RIN2: variants seen among roughly 807,000 people sequenced by gnomAD.
The protein encoded by RIN2 is Ras and Rab interactor 2, also known as RAB5 interacting protein 2.
RIN2 carries 36 observed loss-of-function variants against 78.0 expected under a neutral mutation model. The ratio of observed to expected loss-of-function variants is 0.46; its 90% CI spans 0.35 to 0.61. The LOEUF (loss-of-function observed/expected upper bound fraction) is 0.61, where lower values mean the gene tolerates loss of function less well. Among genes scored for constraint, RIN2 ranks in the 20% least tolerant of loss-of-function variants. The pLI is 0.00. For synonymous variants in RIN2, 466 were observed against 466.8 expected (o/e 1.00, Z 0.02); for missense variants, 1,087 against 1,159.7 (o/e 0.94, Z 0.91).
In RIN2 at chr20:19,912,352, C is replaced by T. The variant is rs560478862; in HGVS notation, c.57+22694C>T. Among the ~76,000 whole-genome samples the T allele has an allele frequency of 2.6e-5, 4 of 152,268 alleles. No homozygotes were observed. The East Asian group carries it at 5.8e-4, about 22-fold the overall frequency. ...CCTGCTGCAGGTCCATGCTTTTTAC[C>T]AGGCCAGACCCCTCTCCAGGGGCAT... On this transcript the variant is annotated intron_variant, in intron 3 of 12. Coordinates refer to ENST00000255006, the MANE Select transcript of RIN2 (RefSeq NM_018993.4).
rs78424181 is a variant in RIN2 at position 19,895,330 on chromosome 20, T to A, written c.57+5672T>A. Among the ~76,000 whole-genome samples, 1,269 of 152,320 alleles carry A rather than the reference T, an allele frequency of 8.3e-3. 9 individuals carry two copies. Among genetic ancestry groups the A allele is most frequent in the African/African-American group, 0.029 (1,222 of 41,568 alleles). Reference sequence around the variant, plus strand: ...AGAGGGATCCTCTTATAGCAAAGAATGGTGCCAGAAGAGAACCAGGGTGAA... The same window carrying A: ...AGAGGGATCCTCTTATAGCAAAGAAAGGTGCCAGAAGAGAACCAGGGTGAA... On this transcript the variant is annotated intron_variant, in intron 3 of 12. Transcript: ENST00000255006.
Position 19,996,831 on chromosome 20 carries a change from G to A in RIN2, c.2353G>A (p.Asp785Asn), listed in dbSNP as rs1301898158. The change falls in exon 12 of 13, where the codon GAC becomes AAC. Residue 785 changes from aspartate to asparagine, a missense_variant. Transcript: ENST00000255006. The stretch of plus-strand genomic sequence containing the variant: ...CACCAACCGGACCATCCCCTCTGTG[G>A]ACGACTTCCAGGTGTGCAGCTGGCC... ...RTTNRTIPSV[D>N]DFQNYLRVAF... 2 of 1,593,726 alleles carry A rather than the reference G, an allele frequency of 1.3e-6. No individual in the cohort carries two copies. Among genetic ancestry groups the A allele is most frequent in the South Asian group, 2.3e-5 (2 of 88,236 alleles).
chr20:19,787,789 A>C (rs1260829903), intron 1 of RIN2, among the ~76,000 whole-genome samples: 1 of 152,172 alleles, frequency 6.6e-6, no homozygotes, highest in Non-Finnish European at 1.5e-5. Flanking sequence ...AGAGACATAG[A>C]TCTAGTAAGG....
At chr20:19,928,577 A>G (rs1400715611) in intron 3 of RIN2, among the ~76,000 whole-genome samples, 1 of 152,212 alleles carries the variant, frequency 6.6e-6, no homozygotes, top group Admixed American at 6.5e-5. Flanking sequence ...CAGCAGGCCC[A>G]GCCTTGCCCA....
chr20:19,795,684 G>A lies in RIN2; in HGVS notation c.-162-3938G>A, dbSNP rs115641215. Among the ~76,000 whole-genome samples, 441 of 152,028 alleles carry A rather than the reference G, an allele frequency of 2.9e-3. 1 individual carries two copies. The highest frequency in any genetic ancestry group is 0.01 in the African/African-American group (421 of 41,464). ...TAAGACCAAACAAACATTTTTTTCC[G>A]CCTCCTTAGAGTGCCATTGTGTCAA... On this transcript the variant is annotated intron_variant, in intron 1 of 12. Coordinates refer to ENST00000255006, the MANE Select transcript of RIN2 (RefSeq NM_018993.4).
intron 1 of RIN2, among the ~76,000 whole-genome samples, chr20:19,766,928 GAA>G (rs1285986353): frequency 6.7e-6 from 1 of 148,216 alleles, no homozygotes; most frequent in East Asian, 2.0e-4. Context: ...AAAAAAAAAA[GAA>G]AAAAAAGAGT....
chr20:19,821,016 T>C (rs2035910261), intron 2 of RIN2, among the ~76,000 whole-genome samples: 3 of 152,076 alleles, frequency 2.0e-5, no homozygotes. Context: ...TGGTGTGAAC[T>C]GGCTGCAGAA....
chr20:19,827,085 C>G (rs932338312), intron 2 of RIN2, among the ~76,000 whole-genome samples: 3 of 150,636 alleles, frequency 2.0e-5, no homozygotes, highest in Non-Finnish European at 4.4e-5. Context: ...AAGTGATTCT[C>G]CTGCCTCAGA....
chr20:19,998,459 A>G lies in RIN2; in HGVS notation c.2364+1617A>G, dbSNP rs1379936880. ...AAAACAACCACAACAAAAAATTTTC[A>G]AGTTAGGTAGGCGTAGTGGTGCACA... is the stretch of plus-strand genomic sequence containing the variant. On this transcript the variant is annotated intron_variant, in intron 12 of 12. Coordinates refer to ENST00000255006, the MANE Select transcript of RIN2 (RefSeq NM_018993.4). Among the ~76,000 whole-genome samples, 3 of 151,974 alleles carry G rather than the reference A, an allele frequency of 2.0e-5. No homozygotes were observed. The South Asian group carries it at 6.2e-4, about 32-fold the overall frequency.
intron 3 of RIN2, among the ~76,000 whole-genome samples, chr20:19,909,129 G>T (rs993393328): frequency 1.3e-5 from 2 of 152,158 alleles, no homozygotes; most frequent in Admixed American, 1.3e-4. Context: ...CTCCCAAAGT[G>T]CTGTGATTAC....
chr20:19,811,858 A>AAG (rs535645744), intron 2 of RIN2, among the ~76,000 whole-genome samples: 28 of 152,076 alleles, frequency 1.8e-4, no homozygotes, highest in African/African-American at 6.5e-4. Context: ...AAAAAAAAAA[A>AAG]GCTTTGTTTG....
intron 8 of RIN2, among the ~76,000 whole-genome samples, chr20:19,972,754 A>T (rs1038303570): frequency 6.6e-6 from 1 of 152,250 alleles, no homozygotes; most frequent in South Asian, 2.1e-4. Flanking sequence ...CAAAAGATTT[A>T]CAGCTGTGAC....
chr20:19,975,507 G>T lies in RIN2; in HGVS notation c.1482G>T (p.Lys494Asn). The T allele has an allele frequency of 6.2e-7, 1 of 1,614,070 alleles. No homozygotes were observed. Among genetic ancestry groups the T allele is most frequent in the Non-Finnish European group, 8.5e-7 (1 of 1,179,900 alleles). ...SSSFVLPKLV[K>N]SQLQKVSGVF... ...CCTTCGTGCTGCCCAAGCTCGTCAA[G>T]TCCCAGCTGCAGAAGGTGAGCGGGG... Residue 494 changes from lysine (K) to asparagine (N), a missense_variant, in exon 9 of 13, where the codon AAG becomes AAT. By Grantham distance (94) the Lys-to-Asn change is moderately conservative. This residue lies in a region of RIN2 where 706 missense variants were observed against 667.5 expected (regional missense o/e 1.06). Transcript: ENST00000255006. The surrounding 1 kb of genome is among the most constrained non-coding windows in gnomAD (Gnocchi z 4.9).
At chr20:19,885,839 C>G (rs2038166287) in intron 2 of RIN2, among the ~76,000 whole-genome samples, 1 of 152,096 alleles carries the variant, frequency 6.6e-6, no homozygotes, top group African/African-American at 2.4e-5. Flanking sequence ...CTATATATAT[C>G]AAGATGTCAT....
intron 1 of RIN2, among the ~76,000 whole-genome samples, chr20:19,798,563 T>C (rs565424163): frequency 4.3e-4 from 65 of 151,934 alleles, no homozygotes; most frequent in African/African-American, 1.5e-3. Context: ...ATCCTGAGGA[T>C]AGAACAAGCA....
intron 2 of RIN2, among the ~76,000 whole-genome samples, chr20:19,826,856 G>A (rs971605186): frequency 8.6e-5 from 13 of 151,980 alleles, no homozygotes; most frequent in Admixed American, 5.9e-4. Flanking sequence ...TGCTAAAAAG[G>A]TGTCATTATT....
At chr20:19,857,441 TTTCTG>T (rs1455596081) in intron 2 of RIN2, among the ~76,000 whole-genome samples, 15 of 152,198 alleles carry the variant, frequency 9.9e-5, no homozygotes, top group African/African-American at 3.1e-4. Flanking sequence ...GCAATGAACA[TTTCTG>T]TACGTGTATC....
intron 3 of RIN2, among the ~76,000 whole-genome samples, chr20:19,915,613 A>G (rs560823742): frequency 3.7e-4 from 57 of 152,326 alleles, no homozygotes; most frequent in Admixed American, 7.2e-4. Flanking sequence ...GCAGGTTCCA[A>G]ATGAGGAACA....
chr20:19,761,676 A>G (rs2033646801), intron 1 of RIN2, among the ~76,000 whole-genome samples: 1 of 152,232 alleles, frequency 6.6e-6, no homozygotes, highest in African/African-American at 2.4e-5. Flanking sequence ...TATTCTGGAC[A>G]CTAGAAAAGC....
Sources: allele counts gnomAD v4.1 joint callset (sites outside exome capture counted in the v4.1 genomes callset), GRCh38; gene constraint gnomAD v4.1.1; regional missense constraint gnomAD v4.1.1; non-coding constraint Gnocchi (gnomAD v3.1); transcripts MANE v1.5; gene names NCBI Gene and HGNC (gene_info 2026-07-23, HGNC 2026-07-21).